The following FBXW8 variants were observed in gnomAD, a reference collection of about 807,000 sequenced individuals.
FBXW8 encodes the protein F-box and WD repeat domain containing 8, also known as F-box/WD repeat-containing protein 8.
Under a neutral mutation model 65.3 loss-of-function variants are expected in FBXW8, and 57 were observed. The observed-to-expected ratio is 0.87, with a 90% CI of 0.71 to 1.09. The LOEUF is 1.09. FBXW8 is among the 50% of genes least tolerant of loss of function. The pLI is 0.00. For synonymous variants in FBXW8, 308 were observed against 330.2 expected (o/e 0.93, Z 0.73); for missense variants, 777 against 814.8 (o/e 0.95, Z 0.57).
intron 4 of FBXW8, among the ~76,000 whole-genome samples, chr12:116,963,242 T>C (rs961928447): frequency 2.6e-5 from 4 of 152,200 alleles, no homozygotes; most frequent in Admixed American, 1.3e-4. Flanking sequence ...GTATTTACTG[T>C]AGATTAAGAA....
At chr12:117,004,581 T>A (rs922405632) in intron 7 of FBXW8, among the ~76,000 whole-genome samples, 14 of 152,198 alleles carry the variant, frequency 9.2e-5, no homozygotes, top group Non-Finnish European at 8.8e-5. Flanking sequence ...AACCCAGAAC[T>A]TGTGTGGGGG....
At chr12:117,022,640 A>G (rs899529460) in intron 8 of FBXW8, among the ~76,000 whole-genome samples, 4 of 152,174 alleles carry the variant, frequency 2.6e-5, no homozygotes, top group African/African-American at 9.7e-5. Flanking sequence ...GGGTGATGGG[A>G]GTGAGGCCCT....
At chr12:116,994,939 AGTT>A (rs1953341305) in intron 7 of FBXW8, among the ~76,000 whole-genome samples, 1 of 152,286 alleles carries the variant, frequency 6.6e-6, no homozygotes, top group Admixed American at 6.5e-5. Context: ...CCTCCACAGA[AGTT>A]GTACCTTGGG....
intron 2 of FBXW8, among the ~76,000 whole-genome samples, chr12:116,930,036 G>A (rs1357907601): frequency 6.6e-6 from 1 of 151,658 alleles, no homozygotes; most frequent in Non-Finnish European, 1.5e-5. Context: ...TTTTTCTAAA[G>A]GCTGAATAGT....
chr12:116,991,691 G>T (rs1415379039), intron 7 of FBXW8, among the ~76,000 whole-genome samples: 1 of 152,186 alleles, frequency 6.6e-6, no homozygotes, highest in Non-Finnish European at 1.5e-5. Context: ...GGTTTTATGA[G>T]AACAGAGCAT....
At chr12:116,975,356 T>G (rs1884861369) in intron 5 of FBXW8, among the ~76,000 whole-genome samples, 1 of 152,238 alleles carries the variant, frequency 6.6e-6, no homozygotes, top group African/African-American at 2.4e-5. Flanking sequence ...GCAGATTCTA[T>G]GTCTGGCGAG....
At position 116,985,309 on chromosome 12, in the gene FBXW8, C is replaced by T. The variant is rs1212876500; in HGVS notation, c.939C>T (p.Thr313=). ...TAGCCCTCAGCCAGGACGATGCAAC[C>T]GTGGCCACAGCTTCTGCTTTTGATG... is the stretch of plus-strand genomic sequence containing the variant. ...QALALSQDDA[T]VATASAFDVV... The change falls in exon 6 of 11, where the codon ACC becomes ACT. Residue 313 remains threonine, a synonymous_variant. Coordinates refer to ENST00000652555, the MANE Select transcript of FBXW8 (RefSeq NM_153348.3). The T allele has an allele frequency of 6.8e-6, 11 of 1,614,058 alleles. No individual in the cohort carries two copies. Among genetic ancestry groups the T allele is most frequent in the African/African-American group, 2.7e-5 (2 of 74,916 alleles).
At position 117,027,472 on chromosome 12, in the gene FBXW8, C is replaced by T. The variant is rs747525099; in HGVS notation, c.1620C>T (p.Asn540=). Residue 540 remains asparagine (N), a synonymous_variant, in exon 10 of 11, where the codon AAC becomes AAT. Transcript: ENST00000652555. ...ANVPYQTVMR[N]ADLDSFTTHR... ...TGCCTTACCAGACGGTAATGCGAAA[C>T]GCCGACCTGGACAGCTTCACTACTC... 29 of 1,614,024 alleles carry T rather than the reference C, an allele frequency of 1.8e-5. No homozygotes were observed. The highest frequency in any genetic ancestry group is 4.5e-5 in the East Asian group (2 of 44,896).
chr12:116,911,374 C>T lies in FBXW8; in HGVS notation c.318+19C>T. The T allele has an allele frequency of 7.9e-7, 1 of 1,258,172 alleles. No homozygotes were observed. The highest frequency in any genetic ancestry group is 1.0e-6 in the Non-Finnish European group (1 of 1,003,172). 77.9% of individuals were successfully genotyped at this position (1,258,172 alleles called of 1,614,324 possible). On this transcript the variant is annotated intron_variant, in intron 1 of 10. Transcript: ENST00000652555. ...CGACCTGGTGAGTGGCCGTCGCCTC[C>T]CCCCCGCCCATGCCTGCGCCGGCCC...
chr12:116,930,959 C>T (rs1476422508), intron 2 of FBXW8, among the ~76,000 whole-genome samples: 1 of 152,190 alleles, frequency 6.6e-6, no homozygotes, highest in Non-Finnish European at 1.5e-5. Flanking sequence ...AGGCTCACGC[C>T]AACATGCCCA....
intron 9 of FBXW8, among the ~76,000 whole-genome samples, chr12:117,026,270 C>G: frequency 6.7e-6 from 1 of 150,264 alleles, no homozygotes; most frequent in East Asian, 1.9e-4. Context: ...GGTCCACCAA[C>G]ACTTTCCTTC....
At chr12:116,963,370 G>A (rs1884106439) in intron 4 of FBXW8, among the ~76,000 whole-genome samples, 1 of 152,168 alleles carries the variant, frequency 6.6e-6, no homozygotes, top group Non-Finnish European at 1.5e-5. Flanking sequence ...ACTTTTGGAG[G>A]CCGACGTGGG....
At chr12:116,974,354 G>T (rs1884800322) in intron 5 of FBXW8, among the ~76,000 whole-genome samples, 1 of 152,216 alleles carries the variant, frequency 6.6e-6, no homozygotes, top group African/African-American at 2.4e-5. Flanking sequence ...GCTAAGAATA[G>T]TTTGCACTTC....
At chr12:116,952,558 G>A (rs1047513189) in intron 4 of FBXW8, among the ~76,000 whole-genome samples, 35 of 152,194 alleles carry the variant, frequency 2.3e-4, no homozygotes, top group African/African-American at 6.5e-4. Flanking sequence ...CATTCTTCTC[G>A]GAACTCCTAG....
intron 7 of FBXW8, among the ~76,000 whole-genome samples, chr12:117,007,657 A>G (rs775948543): frequency 9.2e-5 from 14 of 152,188 alleles, no homozygotes; most frequent in Non-Finnish European, 1.9e-4. Flanking sequence ...GAATGAGTCA[A>G]GTGGTCATGG....
chr12:116,911,443 T>G, intron 1 of FBXW8, 88 bp downstream of exon 1: 1 of 949,294 alleles, frequency 1.1e-6, no homozygotes, highest in African/African-American at 1.7e-5. Flanking sequence ...AGAGTAACTG[T>G]GTGCCACTAG....
chr12:116,944,805 C>T (rs1565907486), intron 2 of FBXW8, among the ~76,000 whole-genome samples: 2 of 152,190 alleles, frequency 1.3e-5, no homozygotes, highest in Non-Finnish European at 1.5e-5. Context: ...TCTAATCTTA[C>T]AGTCCTGGAT....
chr12:116,988,245 G>A (rs946389677), intron 6 of FBXW8, among the ~76,000 whole-genome samples: 2 of 152,162 alleles, frequency 1.3e-5, no homozygotes, highest in Non-Finnish European at 2.9e-5. Context: ...CAGAGTGCAT[G>A]TTCATTTGGT....
chr12:117,018,741 G>A (rs1954017769), intron 8 of FBXW8, among the ~76,000 whole-genome samples: 1 of 152,102 alleles, frequency 6.6e-6, no homozygotes, highest in African/African-American at 2.4e-5. Flanking sequence ...GCATCTTTTG[G>A]TTTATTTGTT....
Sources: gnomAD v4.1 joint callset for allele counts (sites outside exome capture counted in the v4.1 genomes callset) on GRCh38, gnomAD v4.1.1 for gene constraint, MANE v1.5 for transcripts, NCBI Gene and HGNC (gene_info 2026-07-23, HGNC 2026-07-21) for gene names.